RMDN2: variants seen among roughly 807,000 people sequenced by gnomAD.
The protein encoded by RMDN2 is regulator of microtubule dynamics 2.
A neutral mutation model predicts 52.8 loss-of-function variants in RMDN2; 61 were observed. The observed-to-expected ratio is 1.16, with a 90% confidence interval of 0.94 to 1.43. RMDN2 has a LOEUF of 1.43. RMDN2 is among the 40% of genes most tolerant of loss of function. RMDN2 has a pLI of 0.00. For synonymous variants in RMDN2, 180 were observed against 153.1 expected (o/e 1.18, Z -1.30); for missense variants, 592 against 475.3 (o/e 1.25, Z -2.28).
chr2:37,962,828 G>C (rs566155553), intron 2 of RMDN2, among the ~76,000 whole-genome samples: 5 of 152,276 alleles, frequency 3.3e-5, no homozygotes, highest in African/African-American at 7.2e-5. Flanking sequence ...GGCCCTTTTG[G>C]TGTAGGCACC....
chr2:38,013,084 G>A (rs772978176), intron 10 of RMDN2, among the ~76,000 whole-genome samples: 7 of 152,172 alleles, frequency 4.6e-5, no homozygotes, highest in Non-Finnish European at 7.3e-5. Flanking sequence ...TATTATTCAT[G>A]TGGACTTTTC....
At chr2:38,038,573 G>A (rs1192934600) in intron 10 of RMDN2, among the ~76,000 whole-genome samples, 1 of 152,156 alleles carries the variant, frequency 6.6e-6, no homozygotes, top group Non-Finnish European at 1.5e-5. Context: ...GCTTTTTAAG[G>A]CATGGTTTGC....
chr2:37,951,715 G>C (rs1230901129), intron 2 of RMDN2: 1 of 1,612,534 alleles, frequency 6.2e-7, no homozygotes, highest in Non-Finnish European at 8.5e-7. Flanking sequence ...AAAACTTCAA[G>C]TAATACTGAT....
chr2:38,008,369 G>C (rs1677426327), intron 10 of RMDN2, among the ~76,000 whole-genome samples: 1 of 152,108 alleles, frequency 6.6e-6, no homozygotes, highest in South Asian at 2.1e-4. Context: ...CTAAGGACTT[G>C]TTTTATGAAT....
chr2:37,960,253 C>T (rs1215201869), intron 2 of RMDN2, among the ~76,000 whole-genome samples: 1 of 152,060 alleles, frequency 6.6e-6, no homozygotes, highest in Non-Finnish European at 1.5e-5. Flanking sequence ...TTTAAAGTCT[C>T]CCACTATTAA....
chr2:37,988,658 A>G (rs1047951938), intron 5 of RMDN2, among the ~76,000 whole-genome samples: 2 of 152,180 alleles, frequency 1.3e-5, no homozygotes, highest in Non-Finnish European at 2.9e-5. Flanking sequence ...TACATTTTTC[A>G]TCTTAGTTAC....
chr2:37,926,391 G>A (rs1666279535), intron 1 of RMDN2, among the ~76,000 whole-genome samples: 1 of 152,066 alleles, frequency 6.6e-6, no homozygotes, highest in African/African-American at 2.4e-5. Context: ...TCAACATTTT[G>A]ATGTCATTTT....
downstream of RMDN2, among the ~76,000 whole-genome samples, chr2:38,018,480 C>A (rs970608669): frequency 6.6e-6 from 1 of 152,112 alleles, no homozygotes; most frequent in Non-Finnish European, 1.5e-5. Flanking sequence ...AGCATTATGT[C>A]CAACAGTAAG....
chr2:38,039,047 TACAC>T (rs71414270), intron 10 of RMDN2, among the ~76,000 whole-genome samples: 1,719 of 127,338 alleles, frequency 0.013, 14 homozygotes, highest in South Asian at 0.027. Flanking sequence ...CCAGATGCTA[TACAC>T]ACACACACAC....
At chr2:38,059,577 A>T (rs931138385) in intron 10 of RMDN2, among the ~76,000 whole-genome samples, 4 of 152,174 alleles carry the variant, frequency 2.6e-5, no homozygotes, top group African/African-American at 9.7e-5. Context: ...ATGTGTTGGG[A>T]GCGTAGGGAA....
downstream of RMDN2, among the ~76,000 whole-genome samples, chr2:38,019,384 A>G (rs985632771): frequency 3.9e-5 from 6 of 152,196 alleles, no homozygotes; most frequent in African/African-American, 1.4e-4. Flanking sequence ...TAACAAAATT[A>G]TTGTTTCTCA....
intron 7 of RMDN2, among the ~76,000 whole-genome samples, chr2:37,997,155 C>T (rs891379331): frequency 6.6e-6 from 1 of 152,118 alleles, no homozygotes; most frequent in Non-Finnish European, 1.5e-5. Flanking sequence ...CAGAGTATTT[C>T]AGGTTGGTTT....
rs774011281 is a variant in RMDN2, at chr2:37,952,106, A to G, written c.453-21934A>G. On this transcript the variant is annotated intron_variant, in intron 2 of 10. Transcript: ENST00000354545. ...ATTCTGGTTGCTTTATCCCACCTCAAAGCGAATTAACTTCAGGCCTGTTTG... is the reference window on the plus strand; with the variant it reads ...ATTCTGGTTGCTTTATCCCACCTCAGAGCGAATTAACTTCAGGCCTGTTTG... 23 of 1,613,020 alleles carry G rather than the reference A, an allele frequency of 1.4e-5. No homozygotes were observed. In the South Asian group the frequency reaches 2.0e-4, roughly 14 times the overall value.
chr2:37,993,117 GT>G (rs1436278333), intron 7 of RMDN2, among the ~76,000 whole-genome samples: 2 of 152,054 alleles, frequency 1.3e-5, no homozygotes, highest in Admixed American at 6.6e-5. Context: ...TAGAGACGGA[GT>G]TTCGCCATGT....
Position 37,982,830 on chromosome 2 carries a change from C to G in RMDN2, c.791+1487C>G, listed in dbSNP as rs923805798. 2.2e-4 allele frequency among the ~76,000 whole-genome samples: 33 copies of G among 152,112 alleles called. 1 individual carries two copies. The highest frequency in any genetic ancestry group is 3.2e-3 in the Middle Eastern group (1 of 316). ...CTAGATAATCTAATTTACATAATAA[C>G]ACTAGTAAATTAACATATATGTTAA... On this transcript the variant is annotated intron_variant, in intron 5 of 10. Transcript: ENST00000354545.
At chr2:38,045,393 G>A (rs1681210577) in intron 10 of RMDN2, among the ~76,000 whole-genome samples, 1 of 152,072 alleles carries the variant, frequency 6.6e-6, no homozygotes, top group South Asian at 2.1e-4. Context: ...CACAAATGTA[G>A]GCTCCTGTTA....
chr2:37,994,208 T>G (rs1055575417), intron 7 of RMDN2, among the ~76,000 whole-genome samples: 1 of 152,154 alleles, frequency 6.6e-6, no homozygotes, highest in African/African-American at 2.4e-5. Context: ...GACTTCAGAT[T>G]TTGGAAATGT....
At chr2:37,997,676 T>C (rs1675755965) in intron 8 of RMDN2, 162 bp downstream of exon 8, 1 of 597,824 alleles carries the variant, frequency 1.7e-6, no homozygotes, top group East Asian at 2.8e-5. Context: ...GTTATTAATA[T>C]GTTTTAAGTC....
chr2:37,930,712 C>G (rs889101766), intron 2 of RMDN2, among the ~76,000 whole-genome samples: 25 of 152,206 alleles, frequency 1.6e-4, no homozygotes, highest in Non-Finnish European at 2.9e-4. Flanking sequence ...GGATGGAACC[C>G]ACATTCCCCA....
Sources: gnomAD v4.1 joint callset for allele counts (sites outside exome capture counted in the v4.1 genomes callset) on GRCh38, gnomAD v4.1.1 for gene constraint, MANE v1.5 for transcripts, NCBI Gene and HGNC (gene_info 2026-07-23, HGNC 2026-07-21) for gene names.